DYNC1LI1: variants seen among roughly 807,000 people sequenced by gnomAD.
DYNC1LI1 encodes the protein cytoplasmic dynein 1 light intermediate chain 1.
Under a neutral mutation model 63.8 loss-of-function variants are expected in DYNC1LI1, and 19 were observed. That is an observed-to-expected ratio of 0.30 (90% CI 0.21 to 0.44). The LOEUF is 0.44. DYNC1LI1 is among the 20% of genes least tolerant of loss of function. The probability of loss-of-function intolerance (pLI) is 1.00; values close to 1 mark genes in which losing one functional copy is unlikely to be tolerated. For synonymous variants in DYNC1LI1, 225 were observed against 232.3 expected (o/e 0.97, Z 0.28); for missense variants, 565 against 630.2 (o/e 0.90, Z 1.11).
intron 6 of DYNC1LI1, among the ~76,000 whole-genome samples, chr3:32,535,010 C>T (rs1355951992): frequency 2.0e-5 from 3 of 152,176 alleles, no homozygotes; most frequent in Non-Finnish European, 4.4e-5. Context: ...TATTTATCAA[C>T]AGCTGTTTTG....
At chr3:32,570,256 G>A in intron 2 of DYNC1LI1, 90 bp downstream of exon 2, 1 of 1,079,754 alleles carries the variant, frequency 9.3e-7, no homozygotes. Flanking sequence ...CCGGCTGTCC[G>A]CACAAAGAGA....
chr3:32,563,588 G>C (rs537629493), intron 2 of DYNC1LI1, among the ~76,000 whole-genome samples: 1 of 152,082 alleles, frequency 6.6e-6, no homozygotes, highest in East Asian at 1.9e-4. Context: ...CACCACGCCC[G>C]GCCACTTAGA....
intron 10 of DYNC1LI1, 90 bp from the exon 11 acceptor site, chr3:32,529,750 T>G (rs1180497691): frequency 3.4e-6 from 4 of 1,161,378 alleles, no homozygotes; most frequent in Non-Finnish European, 4.8e-6. Context: ...ACTTTGCAAC[T>G]ATCCCCTGTT....
intron 4 of DYNC1LI1, among the ~76,000 whole-genome samples, chr3:32,543,807 G>A (rs1022306522): frequency 6.6e-6 from 1 of 150,904 alleles, no homozygotes; most frequent in Admixed American, 6.6e-5. Flanking sequence ...GCTCATGCCT[G>A]TAATCCCAGC....
intron 4 of DYNC1LI1, among the ~76,000 whole-genome samples, chr3:32,544,025 C>T (rs1014087732): frequency 1.3e-5 from 2 of 151,682 alleles, no homozygotes; most frequent in African/African-American, 4.8e-5. Context: ...AAGATTGTGC[C>T]ACTGTACTTC....
At chr3:32,535,252 G>GT (rs1391499169) in intron 6 of DYNC1LI1, among the ~76,000 whole-genome samples, 2 of 152,174 alleles carry the variant, frequency 1.3e-5, no homozygotes, top group Non-Finnish European at 2.9e-5. Context: ...ACATCAAGAT[G>GT]TATTAAAGCA....
intron 4 of DYNC1LI1, among the ~76,000 whole-genome samples, chr3:32,543,892 C>T (rs1025720633): frequency 1.3e-5 from 2 of 150,938 alleles, no homozygotes; most frequent in African/African-American, 4.9e-5. Context: ...TGGCAAAACC[C>T]TATGTCTACA....
chr3:32,532,458 T>TC (rs943508307), intron 8 of DYNC1LI1: 4 of 126,752 alleles, frequency 3.2e-5, no homozygotes, highest in African/African-American at 1.2e-4. Context: ...ACAGTGAGAC[T>TC]CCATCTCAAA....
chr3:32,545,909 A>T lies in DYNC1LI1; in HGVS notation c.277T>A (p.Tyr93Asn). ...LIRKIQGIEE[Y>N]KKGRGLEYLY... The stretch of plus-strand genomic sequence containing the variant: ...TATTCCAATCCTCTTCCTTTCTTAT[A>T]CTCCTCTATTCCCTGAATTTTTCTT... The change falls in exon 3 of 13, where the codon TAT (tyrosine) becomes AAT (asparagine). Residue 93 changes from tyrosine (Y) to asparagine (N), a missense_variant. By Grantham distance (143) the Tyr-to-Asn change is moderately radical. Transcript: ENST00000273130. The T allele has an allele frequency of 6.2e-7, 1 of 1,612,710 alleles. No homozygotes were observed. Among genetic ancestry groups the T allele is most frequent in the Non-Finnish European group, 8.5e-7 (1 of 1,179,240 alleles).
intron 5 of DYNC1LI1, among the ~76,000 whole-genome samples, chr3:32,540,077 G>A (rs950296041): frequency 3.3e-5 from 5 of 150,710 alleles, no homozygotes; most frequent in Non-Finnish European, 3.0e-5. Context: ...CACCGTTTTA[G>A]CCAGGATGGT....
chr3:32,560,760 T>A (rs948804923), intron 2 of DYNC1LI1, among the ~76,000 whole-genome samples: 11 of 151,738 alleles, frequency 7.2e-5, no homozygotes, highest in African/African-American at 2.7e-4. Flanking sequence ...TCCCAGCACT[T>A]TGGGAGGATG....
chr3:32,552,509 A>AC (rs1698056637), intron 2 of DYNC1LI1, among the ~76,000 whole-genome samples: 1 of 150,802 alleles, frequency 6.6e-6, no homozygotes, highest in South Asian at 2.1e-4. Flanking sequence ...AACATTCTTT[A>AC]TTTTTTTTTC....
chr3:32,546,251 T>C (rs1021694436), intron 2 of DYNC1LI1, among the ~76,000 whole-genome samples: 2 of 151,898 alleles, frequency 1.3e-5, no homozygotes, highest in African/African-American at 4.8e-5. Flanking sequence ...CTACTAAAAG[T>C]AGAAAAATTA....
intron 2 of DYNC1LI1, among the ~76,000 whole-genome samples, chr3:32,563,792 T>TG (rs1559445289): frequency 6.6e-6 from 1 of 152,222 alleles, no homozygotes; most frequent in Admixed American, 6.5e-5. Flanking sequence ...ACAGTAGCAC[T>TG]GGGGGAAATA....
At chr3:32,566,817 G>A (rs1293140955) in intron 2 of DYNC1LI1, 2 of 329,168 alleles carry the variant, frequency 6.1e-6, no homozygotes, top group Non-Finnish European at 1.2e-5. Context: ...AGGTAAAAAT[G>A]AAAATGCAGT....
At chr3:32,559,058 C>CA (rs1698154337) in intron 2 of DYNC1LI1, among the ~76,000 whole-genome samples, 1 of 141,680 alleles carries the variant, frequency 7.1e-6, no homozygotes, top group East Asian at 2.0e-4. Flanking sequence ...ATTACTACTA[C>CA]TTTTTTTTTT....
At chr3:32,536,008 T>C (rs575478218) in intron 6 of DYNC1LI1, among the ~76,000 whole-genome samples, 1 of 152,186 alleles carries the variant, frequency 6.6e-6, no homozygotes, top group Admixed American at 6.5e-5. Flanking sequence ...TATTTTATTT[T>C]TGAAGACACT....
intron 11 of DYNC1LI1, 118 bp downstream of exon 11, chr3:32,529,422 C>A: frequency 2.1e-6 from 2 of 931,662 alleles, no homozygotes; most frequent in Non-Finnish European, 3.0e-6. Context: ...TCCATAGAGA[C>A]AAAGCCTAAA....
At chr3:32,549,373 A>G (rs1006954233) in intron 2 of DYNC1LI1, among the ~76,000 whole-genome samples, 1 of 151,852 alleles carries the variant, frequency 6.6e-6, no homozygotes, top group Non-Finnish European at 1.5e-5. Flanking sequence ...AGATCTATGA[A>G]TATCTTCCTT....
Sources: allele counts gnomAD v4.1 joint callset (sites outside exome capture counted in the v4.1 genomes callset), GRCh38; gene constraint gnomAD v4.1.1; transcripts MANE v1.5; gene names NCBI Gene and HGNC (gene_info 2026-07-23, HGNC 2026-07-21).